The following ZMYM2 variants were observed in gnomAD, a reference collection of about 807,000 sequenced individuals.
The protein encoded by ZMYM2 is zinc finger MYM-type protein 2.
ZMYM2 carries 56 observed loss-of-function variants against 162.8 expected under a neutral mutation model. The ratio of observed to expected loss-of-function variants is 0.34; its 90% confidence interval spans 0.28 to 0.43. ZMYM2 has a LOEUF of 0.43. Ranked by LOEUF, ZMYM2 falls within the 20% of genes least tolerant of loss-of-function variation. ZMYM2 has a pLI of 1.00. For missense variants in ZMYM2, 1,275 were observed against 1,621.8 expected, an observed-to-expected ratio of 0.79 and a Z score of 3.67; for synonymous variants, 510 against 541.6, an observed-to-expected ratio of 0.94 and a Z score of 0.81.
At chr13:19,997,157 G>GT (rs1416307495) in intron 3 of ZMYM2, among the ~76,000 whole-genome samples, 3 of 152,138 alleles carry the variant, frequency 2.0e-5, no homozygotes, top group Admixed American at 6.5e-5. Flanking sequence ...TTTGTTGTCT[G>GT]TTTTTTCCTC....
intron 2 of ZMYM2, among the ~76,000 whole-genome samples, chr13:19,984,505 G>C (rs1948981305): frequency 6.6e-6 from 1 of 152,188 alleles, no homozygotes; most frequent in South Asian, 2.1e-4. Context: ...AAAGCCATGT[G>C]AACTATTTTT....
At chr13:19,913,902 A>C in the ZMYM2 span, among the ~76,000 whole-genome samples, 1 of 152,230 alleles carries the variant, frequency 6.6e-6, no homozygotes, top group Non-Finnish European at 1.5e-5. Context: ...ACTCAGGTCC[A>C]TGATATGCAG....
At chr13:20,016,550 C>CCCTCCA (rs1951646826) in intron 6 of ZMYM2, among the ~76,000 whole-genome samples, 1 of 152,148 alleles carries the variant, frequency 6.6e-6, no homozygotes, top group Non-Finnish European at 1.5e-5. Flanking sequence ...GCAACAAACT[C>CCCTCCA]CCTCCACCTT....
chr13:19,908,653 G>T, the ZMYM2 span, among the ~76,000 whole-genome samples: 1 of 152,066 alleles, frequency 6.6e-6, no homozygotes, highest in Admixed American at 6.6e-5. Flanking sequence ...TTTATTGCCT[G>T]GATTTATTAT....
chr13:19,886,397 C>T, the ZMYM2 span, among the ~76,000 whole-genome samples: 4 of 151,658 alleles, frequency 2.6e-5, no homozygotes, highest in African/African-American at 7.3e-5. Flanking sequence ...CTCCCGACCT[C>T]GGTGATCTGC....
the ZMYM2 span, among the ~76,000 whole-genome samples, chr13:19,867,731 T>G: frequency 1.2e-4 from 18 of 152,276 alleles, no homozygotes; most frequent in South Asian, 3.7e-3. Context: ...GTTCGAATGA[T>G]TCTCCTGCCT....
At chr13:19,904,727 CTT>C in the ZMYM2 span, among the ~76,000 whole-genome samples, 1 of 152,116 alleles carries the variant, frequency 6.6e-6, no homozygotes, top group African/African-American at 2.4e-5. Context: ...CTGGATATCT[CTT>C]TATATACACT....
At chr13:19,968,869 A>C (rs980135533) in intron 2 of ZMYM2, among the ~76,000 whole-genome samples, 4 of 152,226 alleles carry the variant, frequency 2.6e-5, no homozygotes, top group African/African-American at 9.6e-5. Flanking sequence ...TGTGTTTTTC[A>C]TGTAAGTTCT....
the ZMYM2 span, among the ~76,000 whole-genome samples, chr13:19,923,072 G>A: frequency 1.2e-4 from 18 of 150,374 alleles, no homozygotes; most frequent in African/African-American, 4.4e-4. Context: ...GGATGTGATG[G>A]CTCACGCCTG....
chr13:20,037,773 T>C (rs9506420), intron 12 of ZMYM2, among the ~76,000 whole-genome samples: 3,989 of 152,260 alleles, frequency 0.026, 118 homozygotes, highest in East Asian at 0.13. Context: ...CAGGGGTACA[T>C]GTGCAGGTTT....
At chr13:19,910,532 CTCT>C in the ZMYM2 span, among the ~76,000 whole-genome samples, 8 of 143,808 alleles carry the variant, frequency 5.6e-5, no homozygotes, top group East Asian at 2.0e-4. Flanking sequence ...TTCTCTCTCT[CTCT>C]TTTTTTTTTT....
At chr13:20,047,677 T>C (rs1428395293) in intron 12 of ZMYM2, among the ~76,000 whole-genome samples, 1 of 152,146 alleles carries the variant, frequency 6.6e-6, no homozygotes, top group African/African-American at 2.4e-5. Flanking sequence ...TTTAGTTTTA[T>C]GCTTTAAAAA....
At position 20,054,688 on chromosome 13, in the gene ZMYM2, C is replaced by A. The variant is rs575517421; in HGVS notation, c.2493+2377C>A. Among the ~76,000 whole-genome samples, 3 of 151,702 alleles carry A rather than the reference C, an allele frequency of 2.0e-5. No individual in the cohort carries two copies. In the East Asian group the frequency reaches 5.8e-4, roughly 29 times the overall value. On this transcript the variant is annotated intron_variant, in intron 14 of 24. Coordinates refer to ENST00000610343, the MANE Select transcript of ZMYM2 (RefSeq NM_197968.4). ...AGTTTGGTTCAAGTGTAGATTTTCA[C>A]CAAGTGGCATAGTTAATTGACATAA...
At chr13:20,009,318 CA>C (rs1950989041) in intron 6 of ZMYM2, among the ~76,000 whole-genome samples, 1 of 152,070 alleles carries the variant, frequency 6.6e-6, no homozygotes, top group Admixed American at 6.5e-5. Flanking sequence ...GGAATTCCAT[CA>C]AATTTAAACA....
At chr13:20,075,312 A>C (rs948799555) in intron 21 of ZMYM2, among the ~76,000 whole-genome samples, 2 of 152,230 alleles carry the variant, frequency 1.3e-5, no homozygotes, top group Admixed American at 1.3e-4. Context: ...AGTCTTATGA[A>C]TGTATACTGA....
intron 11 of ZMYM2, among the ~76,000 whole-genome samples, chr13:20,035,991 A>G (rs1395952038): frequency 6.6e-6 from 1 of 152,138 alleles, no homozygotes; most frequent in Non-Finnish European, 1.5e-5. Context: ...AGGAAATGTC[A>G]TTTTAAACTA....
At chr13:19,908,709 G>T in the ZMYM2 span, among the ~76,000 whole-genome samples, 6 of 151,952 alleles carry the variant, frequency 3.9e-5, no homozygotes, top group Non-Finnish European at 8.8e-5. Context: ...TTAGTGAGAA[G>T]AGTGGCATTA....
intron 2 of ZMYM2, among the ~76,000 whole-genome samples, chr13:19,969,428 A>T (rs893911521): frequency 6.6e-6 from 1 of 152,246 alleles, no homozygotes; most frequent in Admixed American, 6.5e-5. Context: ...GATTGTACAG[A>T]GTAATTTACT....
At chr13:19,899,367 G>T in the ZMYM2 span, among the ~76,000 whole-genome samples, 73 of 152,082 alleles carry the variant, frequency 4.8e-4, no homozygotes, top group African/African-American at 1.5e-3. Context: ...AGCTGTAAAA[G>T]CTCCTTTTTT....
Sources: gnomAD v4.1 joint callset for allele counts (sites outside exome capture counted in the v4.1 genomes callset) on GRCh38, gnomAD v4.1.1 for gene constraint, MANE v1.5 for transcripts, NCBI Gene and HGNC (gene_info 2026-07-23, HGNC 2026-07-21) for gene names.